The following SYPL1 variants were observed in gnomAD, a reference collection of about 807,000 sequenced individuals.
SYPL1 encodes the protein synaptophysin like 1, also known as synaptophysin-like protein 1.
SYPL1 carries 6 observed loss-of-function variants against 23.7 expected under a neutral mutation model. The ratio of observed to expected loss-of-function variants is 0.25; its 90% CI spans 0.14 to 0.50. The LOEUF is 0.50. SYPL1 is among the 20% of genes least tolerant of loss of function. The probability of loss-of-function intolerance (pLI) is 0.98; values close to 1 mark genes in which losing one functional copy is unlikely to be tolerated. For missense variants in SYPL1, 253 were observed against 288.9 expected, an observed-to-expected ratio of 0.88 and a Z score of 0.90; for synonymous variants, 102 against 104.5, an observed-to-expected ratio of 0.98 and a Z score of 0.15.
upstream of SYPL1, chr7:106,112,532 T>A: frequency 6.6e-7 from 1 of 1,513,856 alleles, no homozygotes; most frequent in Non-Finnish European, 8.8e-7. Flanking sequence ...GGCGCCATAC[T>A]GCGTGCGCCG....
intron 1 of SYPL1, among the ~76,000 whole-genome samples, chr7:106,111,630 G>A (rs977747723): frequency 6.6e-6 from 1 of 152,096 alleles, no homozygotes; most frequent in African/African-American, 2.4e-5. Flanking sequence ...TTTTTAACTC[G>A]GAGCCCATCT....
chr7:106,103,506 G>T (rs1389543892), intron 1 of SYPL1, among the ~76,000 whole-genome samples: 1 of 152,066 alleles, frequency 6.6e-6, no homozygotes, highest in Non-Finnish European at 1.5e-5. Flanking sequence ...GCAGTACCCA[G>T]TAATGCTACT....
At chr7:106,111,613 T>C (rs1355001735) in intron 1 of SYPL1, among the ~76,000 whole-genome samples, 1 of 152,206 alleles carries the variant, frequency 6.6e-6, no homozygotes, top group Non-Finnish European at 1.5e-5. Context: ...AGTTTATTTT[T>C]TTACTATTTT....
At position 106,097,139 on chromosome 7, in the gene SYPL1, G is replaced by A. The variant is rs1310876801; in HGVS notation, c.402+551C>T. Reference sequence around the variant, plus strand: ...GATCATTTGAGCCCAGGAGGTTGAGGCTGCAGCAAGCCAAGATGGTGCTAC... The same window carrying A: ...GATCATTTGAGCCCAGGAGGTTGAGACTGCAGCAAGCCAAGATGGTGCTAC... On this transcript the variant is annotated intron_variant, in intron 3 of 4. Transcript: ENST00000455385. This position sits in a 1 kb window ranked among gnomAD's most constrained non-coding sequence, Gnocchi z 4.6. Among the ~76,000 whole-genome samples the A allele has an allele frequency of 6.6e-6, 1 of 152,186 alleles. No homozygotes were observed. Among genetic ancestry groups the A allele is most frequent in the Non-Finnish European group, 1.5e-5 (1 of 68,022 alleles).
rs981232902 is a variant in SYPL1, at chr7:106,091,092, G to C, written c.*713C>G. 1 of 152,052 alleles carries C rather than the reference G, an allele frequency of 6.6e-6. No homozygotes were observed. The highest frequency in any genetic ancestry group is 2.4e-5 in the African/African-American group (1 of 41,394). The allele number at this position is 152,052 out of a possible 1,614,324, so 9.4% of individuals were successfully genotyped here. ...CCCATACATATAAAGATATCTAGTTGAGCCACGTTCTACTTACATAGCAAG... is the reference window on the plus strand; with the variant it reads ...CCCATACATATAAAGATATCTAGTTCAGCCACGTTCTACTTACATAGCAAG... On this transcript the variant is annotated 3_prime_UTR_variant, in exon 5 of 5. Coordinates refer to ENST00000455385, the MANE Select transcript of SYPL1 (RefSeq NM_182715.4). This position sits in a 1 kb window ranked among gnomAD's most constrained non-coding sequence, Gnocchi z 5.0.
At chr7:106,101,776 T>C (rs1236794511) in intron 1 of SYPL1, among the ~76,000 whole-genome samples, 2 of 102,448 alleles carry the variant, frequency 2.0e-5, no homozygotes, top group Non-Finnish European at 4.0e-5. Context: ...CACGTTTAAA[T>C]TAAAAAAAAA....
At position 106,092,957 on chromosome 7, in the gene SYPL1, C is replaced by T. The variant is rs1319725029; in HGVS notation, c.583G>A (p.Val195Ile). The T allele has an allele frequency of 5.1e-6, 8 of 1,583,802 alleles. No homozygotes were observed. The South Asian group carries it at 5.9e-5, about 12-fold the overall frequency. ...AAATAATGCATACATACCACAGATA[C>T]ATTTAGGGATCCCATACTGGTCACA... is the stretch of plus-strand genomic sequence containing the variant. ...GSVTSMGSLNVSVIFGFLNMI... is the reference protein window; with the variant it reads ...GSVTSMGSLNISVIFGFLNMI... Residue 195 changes from valine (V) to isoleucine (I), a missense_variant, in exon 4 of 5, where the codon GTA becomes ATA. Val to Ile is a conservative substitution (Grantham distance 29). Transcript: ENST00000455385.
rs1207443066 is a variant in SYPL1 at position 106,109,178 on chromosome 7, A to G, written c.69+2962T>C. On this transcript the variant is annotated intron_variant, in intron 1 of 4. Coordinates refer to ENST00000455385, the MANE Select transcript of SYPL1 (RefSeq NM_182715.4). The surrounding 1 kb of genome is among the most constrained non-coding windows in gnomAD (Gnocchi z 4.3). The stretch of plus-strand genomic sequence containing the variant: ...AAATGCAAATAAAGACTTTTGTTGC[A>G]TACCAAATACAATGGTTGTCTCCAG... Among the ~76,000 whole-genome samples, 2 of 152,246 alleles carry G rather than the reference A, an allele frequency of 1.3e-5. No individual in the cohort carries two copies. Among genetic ancestry groups the G allele is most frequent in the African/African-American group, 2.4e-5 (1 of 41,462 alleles).
At chr7:106,102,630 T>G (rs1378140471) in intron 1 of SYPL1, among the ~76,000 whole-genome samples, 1 of 152,170 alleles carries the variant, frequency 6.6e-6, no homozygotes, top group Non-Finnish European at 1.5e-5. Flanking sequence ...AGCCAACAGC[T>G]TGACTGCAAC....
At chr7:106,112,575 T>G, upstream of SYPL1, 1 of 1,485,120 alleles carries the variant, frequency 6.7e-7, no homozygotes, top group African/African-American at 1.5e-5. Context: ...CCCCTGGCAC[T>G]CGGTCTTCCC....
At chr7:106,111,897 G>A (rs1458773263) in intron 1 of SYPL1, 2 of 262,042 alleles carry the variant, frequency 7.6e-6, no homozygotes, top group African/African-American at 2.3e-5. Flanking sequence ...CGGTGTGGGA[G>A]GGTGGCTCCC....
chr7:106,095,350 T>TG lies in SYPL1; in HGVS notation c.403-2214_403-2213insC, dbSNP rs1420578788. ...AATTTTGGGTATCTCAAAAAAAACC[T>TG]TTTTTTTTTTTTCCCCTGAGATGGA... On this transcript the variant is annotated intron_variant, in intron 3 of 4. Transcript: ENST00000455385. The surrounding 1 kb of genome is among the most constrained non-coding windows in gnomAD (Gnocchi z 4.3). 1.5e-5 allele frequency among the ~76,000 whole-genome samples: 2 copies of TG among 134,650 alleles called. No homozygotes were observed. The highest frequency in any genetic ancestry group is 3.1e-5 in the Non-Finnish European group (2 of 64,650). 88.3% of individuals were successfully genotyped at this position (134,650 alleles called of 152,430 possible). A position where few individuals can be genotyped will look rare whatever the true frequency, so the allele number is the denominator to read the frequency against.
rs1201313343 is a variant in SYPL1 at position 106,096,001 on chromosome 7, T to A, written c.402+1689A>T. 2.0e-5 allele frequency among the ~76,000 whole-genome samples: 3 copies of A among 152,134 alleles called. No individual in the cohort carries two copies. The highest frequency in any genetic ancestry group is 4.4e-5 in the Non-Finnish European group (3 of 68,014). On this transcript the variant is annotated intron_variant, in intron 3 of 4. Coordinates refer to ENST00000455385, the MANE Select transcript of SYPL1 (RefSeq NM_182715.4). This position sits in a 1 kb window ranked among gnomAD's most constrained non-coding sequence, Gnocchi z 4.4. ...CACACTGATAGATTTAGTAAAAAAATTTGTTGGGATGACAAAATGGCAAGA... is the reference window on the plus strand; with the variant it reads ...CACACTGATAGATTTAGTAAAAAAAATTGTTGGGATGACAAAATGGCAAGA...
rs972888483 is a variant in SYPL1 at position 106,095,615 on chromosome 7, G to C, written c.402+2075C>G. On this transcript the variant is annotated intron_variant, in intron 3 of 4. Coordinates refer to ENST00000455385, the MANE Select transcript of SYPL1 (RefSeq NM_182715.4). The surrounding 1 kb of genome is among the most constrained non-coding windows in gnomAD (Gnocchi z 4.3). Reference sequence around the variant, plus strand: ...GATCCACCCACCTCGGCCTCCCAAAGTGCTGGGATTACAGGCATGACCCAC... The same window carrying C: ...GATCCACCCACCTCGGCCTCCCAAACTGCTGGGATTACAGGCATGACCCAC... Among the ~76,000 whole-genome samples the C allele has an allele frequency of 1.4e-4, 21 of 152,134 alleles. No homozygotes were observed. The highest frequency in any genetic ancestry group is 5.1e-4 in the African/African-American group (21 of 41,418).
upstream of SYPL1, chr7:106,112,340 G>C: frequency 4.8e-6 from 6 of 1,252,544 alleles, no homozygotes; most frequent in Non-Finnish European, 6.0e-6. Context: ...GCGGGCCCGG[G>C]CGGCCGTGGG....
intron 1 of SYPL1, 29 bp from the exon 2 acceptor site, chr7:106,099,311 A>G: frequency 6.3e-7 from 1 of 1,589,686 alleles, no homozygotes; most frequent in Non-Finnish European, 8.5e-7. Context: ...AAAAAGACAA[A>G]AGAAAAAAAA....
At chr7:106,092,110 A>C (rs916848183) in intron 4 of SYPL1, among the ~76,000 whole-genome samples, 171 bp from the exon 5 acceptor site, 4 of 152,256 alleles carry the variant, frequency 2.6e-5, no homozygotes, top group Non-Finnish European at 5.9e-5. Flanking sequence ...ACTACACTTC[A>C]ATGTACAAAA....
At chr7:106,106,084 A>C (rs1585942755) in intron 1 of SYPL1, among the ~76,000 whole-genome samples, 1 of 152,228 alleles carries the variant, frequency 6.6e-6, no homozygotes, top group African/African-American at 2.4e-5. Context: ...CACAACAATA[A>C]AAAATTATCA....
At chr7:106,110,557 A>C (rs73719102) in intron 1 of SYPL1, among the ~76,000 whole-genome samples, 8,068 of 152,304 alleles carry the variant, frequency 0.053, 740 homozygotes, top group African/African-American at 0.18. Flanking sequence ...ATCTGGTATA[A>C]AATAGTCAAA....
Sources: gnomAD v4.1 joint callset for allele counts (sites outside exome capture counted in the v4.1 genomes callset) on GRCh38, gnomAD v4.1.1 for gene constraint, Gnocchi (gnomAD v3.1) non-coding constraint, MANE v1.5 for transcripts, NCBI Gene and HGNC (gene_info 2026-07-23, HGNC 2026-07-21) for gene names.